Variants in MAPT observed in about 807,000 individuals in gnomAD.
MAPT encodes the protein microtubule associated protein tau, also known as microtubule-associated protein tau.
MAPT carries 34 observed loss-of-function variants against 67.9 expected under a neutral mutation model. The observed-to-expected ratio is 0.50, with a 90% CI of 0.38 to 0.67. The LOEUF is 0.67. Among genes scored for constraint, MAPT ranks in the 30% least tolerant of loss-of-function variants. MAPT has a pLI of 0.00. For synonymous variants in MAPT, 456 were observed against 464.5 expected (o/e 0.98, Z 0.23); for missense variants, 881 against 1,115.2 (o/e 0.79, Z 2.99).
At chr17:46,014,779 C>T (rs2076051475) in intron 11 of MAPT, among the ~76,000 whole-genome samples, 1 of 151,966 alleles carries the variant, frequency 6.6e-6, no homozygotes, top group Admixed American at 6.6e-5. Flanking sequence ...GAGGCTGAGG[C>T]AGGAAAATGG....
chr17:46,023,402 C>T (rs982270754), intron 12 of MAPT, among the ~76,000 whole-genome samples: 2 of 152,190 alleles, frequency 1.3e-5, no homozygotes, highest in South Asian at 2.1e-4. Flanking sequence ...TACACTCACA[C>T]GTGTTTGTTT....
At chr17:45,923,485 C>T (rs1281369190) in intron 1 of MAPT, among the ~76,000 whole-genome samples, 5 of 152,192 alleles carry the variant, frequency 3.3e-5, no homozygotes, top group East Asian at 1.9e-4. Context: ...GGGGAATGCC[C>T]GGAGCCATCC....
chr17:45,899,678 T>G (rs1368549916), intron 1 of MAPT, among the ~76,000 whole-genome samples: 2 of 152,156 alleles, frequency 1.3e-5, no homozygotes, highest in Admixed American at 1.3e-4. Flanking sequence ...AACCACTGTC[T>G]CACAAATGAA....
intron 12 of MAPT, among the ~76,000 whole-genome samples, chr17:46,020,188 TC>T (rs2076440279): frequency 1.3e-5 from 2 of 152,034 alleles, no homozygotes; most frequent in Admixed American, 1.3e-4. Flanking sequence ...GATGCCGAAA[TC>T]CTGATTTCAG....
chr17:46,007,478 G>C (rs78962882), intron 9 of MAPT, among the ~76,000 whole-genome samples: 21,777 of 151,944 alleles, frequency 0.14, 2,132 homozygotes, highest in Non-Finnish European at 0.22. Context: ...CAGAGTGAGA[G>C]CTTGTCTCTA....
chr17:46,006,063 G>A (rs2075387127), intron 9 of MAPT, among the ~76,000 whole-genome samples: 2 of 152,176 alleles, frequency 1.3e-5, no homozygotes, highest in Admixed American at 6.5e-5. Context: ...AGGAGGAGTG[G>A]ATTGTACATT....
At chr17:45,937,249 C>T (rs1024076075) in intron 1 of MAPT, among the ~76,000 whole-genome samples, 1 of 152,128 alleles carries the variant, frequency 6.6e-6, no homozygotes, top group African/African-American at 2.4e-5. Flanking sequence ...TGGTCTCCAT[C>T]CCCACTTTCT....
At chr17:45,997,268 G>A (rs561886289) in intron 9 of MAPT, among the ~76,000 whole-genome samples, 2 of 152,256 alleles carry the variant, frequency 1.3e-5, no homozygotes, top group African/African-American at 4.8e-5. Flanking sequence ...TGTGCCCCTC[G>A]TCTGGGTGCG....
rs2076800905 is a variant in MAPT at position 46,026,202 on chromosome 17, G to A, written c.*2031G>A. On this transcript the variant is annotated 3_prime_UTR_variant, in exon 13 of 13. Coordinates refer to ENST00000262410, the MANE Select transcript of MAPT (RefSeq NM_001377265.1). ...CACTGGGACTCGTGTGGCCTGTGTG[G>A]TGCCACCCTGCTGGGGCCTCCCAAG... is the stretch of plus-strand genomic sequence containing the variant. 1 of 152,604 alleles carries A rather than the reference G, an allele frequency of 6.6e-6. No homozygotes were observed. Among genetic ancestry groups the A allele is most frequent in the African/African-American group, 2.4e-5 (1 of 41,426 alleles). 9.5% of individuals were successfully genotyped at this position (152,604 alleles called of 1,614,324 possible).
intron 11 of MAPT, among the ~76,000 whole-genome samples, chr17:46,016,851 C>T (rs2076215575): frequency 6.6e-6 from 1 of 152,188 alleles, no homozygotes; most frequent in Non-Finnish European, 1.5e-5. Context: ...TCTGTGCTGT[C>T]CAGTATAGTA....
In MAPT at chr17:46,026,513, T is replaced by C. The variant is rs2076812277; in HGVS notation, c.*2342T>C. ...TGCATCACAAGAAAAAGGAAGCCAC[T>C]GCCAGCTGGGGGGATCTGCAGCTCC... On this transcript the variant is annotated 3_prime_UTR_variant, in exon 13 of 13. Transcript: ENST00000262410. The C allele has an allele frequency of 6.6e-6, 1 of 152,154 alleles. No homozygotes were observed. The highest frequency in any genetic ancestry group is 1.5e-5 in the Non-Finnish European group (1 of 68,062). The allele number at this position is 152,154 out of a possible 1,614,324, so 9.4% of individuals were successfully genotyped here. A position where few individuals can be genotyped will look rare whatever the true frequency, so the allele number is the denominator to read the frequency against.
chr17:46,018,983 T>C (rs2076355071), intron 12 of MAPT, among the ~76,000 whole-genome samples: 1 of 152,216 alleles, frequency 6.6e-6, no homozygotes, highest in Non-Finnish European at 1.5e-5. Context: ...GCTCGGTTGC[T>C]GGAGTTTTTG....
In MAPT at chr17:45,961,367, A is replaced by G. The variant is rs573065336; in HGVS notation, c.-17-954A>G. On this transcript the variant is annotated intron_variant, in intron 1 of 12. Transcript: ENST00000262410. ...TTCAGATCCCAAGCCTCATGCCCCT[A>G]CTGGGCCCTGTGGGGTGCTTCTCAG... Among the ~76,000 whole-genome samples the G allele has an allele frequency of 3.9e-5, 6 of 152,252 alleles. No individual in the cohort carries two copies. The East Asian group carries it at 9.7e-4, about 25-fold the overall frequency.
rs1243958336 is a variant in MAPT at position 45,978,646 on chromosome 17, T to C, written c.286+206T>C. On this transcript the variant is annotated intron_variant, in intron 4 of 12. Transcript: ENST00000262410. ...TCTAATACCATTTCTGGGTAATTCC[T>C]AAGGCATTTAGTGTTCTGAAAGATG... 3 of 581,510 alleles carry C rather than the reference T, an allele frequency of 5.2e-6. No homozygotes were observed. The African/African-American group carries it at 5.6e-5, about 11-fold the overall frequency. The allele number at this position is 581,510 out of a possible 1,614,324, so 36.0% of individuals were successfully genotyped here. A position where few individuals can be genotyped will look rare whatever the true frequency, so the allele number is the denominator to read the frequency against.
intron 12 of MAPT, among the ~76,000 whole-genome samples, chr17:46,020,614 G>T (rs2076472458): frequency 6.6e-6 from 1 of 152,208 alleles, no homozygotes; most frequent in African/African-American, 2.4e-5. Context: ...GACTGGGGAG[G>T]CCTGACAATC....
intron 1 of MAPT, among the ~76,000 whole-genome samples, chr17:45,914,401 A>T (rs879572596): frequency 6.6e-6 from 1 of 152,236 alleles, no homozygotes; most frequent in Non-Finnish European, 1.5e-5. Context: ...TCTGGAAAAC[A>T]TCAGGATGGA....
At chr17:45,974,145 G>A (rs925433881) in intron 3 of MAPT, 15 of 573,120 alleles carry the variant, frequency 2.6e-5, no homozygotes, top group African/African-American at 5.6e-5. Flanking sequence ...CAGGGCTGCC[G>A]GGCTTTCCTG....
Position 45,996,699 on chromosome 17 carries a change from G to A in MAPT, c.1998+35G>A, listed in dbSNP as rs557237379. 3.7e-6 allele frequency: 6 copies of A among 1,609,916 alleles called. No individual in the cohort carries two copies. The African/African-American group carries it at 5.3e-5, about 14-fold the overall frequency. On this transcript the variant is annotated intron_variant, in intron 9 of 12. Transcript: ENST00000262410. This position sits in a 1 kb window ranked among gnomAD's most constrained non-coding sequence, Gnocchi z 4.5. Reference sequence around the variant, plus strand: ...GCTGGCTGCGCGTGGAGGTGTGGGGGGCTGCGCCTGGAGGGGTAGGGCTGT... The same window carrying A: ...GCTGGCTGCGCGTGGAGGTGTGGGGAGCTGCGCCTGGAGGGGTAGGGCTGT...
At chr17:46,020,013 CAAA>C (rs34260992) in intron 12 of MAPT, among the ~76,000 whole-genome samples, 5,477 of 123,464 alleles carry the variant, frequency 0.044, 132 homozygotes, top group Admixed American at 0.077. Flanking sequence ...TTCCATCTCA[CAAA>C]AAAAAAAAAA....
Sources: allele counts gnomAD v4.1 joint callset (sites outside exome capture counted in the v4.1 genomes callset), GRCh38; gene constraint gnomAD v4.1.1; non-coding constraint Gnocchi (gnomAD v3.1); transcripts MANE v1.5; gene names NCBI Gene and HGNC (gene_info 2026-07-23, HGNC 2026-07-21).